The following NAA60 variants were observed in gnomAD, a reference collection of about 807,000 sequenced individuals.
The protein encoded by NAA60 is N-alpha-acetyltransferase 60, NatF catalytic subunit, also known as N-alpha-acetyltransferase 60.
In NAA60, 8 loss-of-function variants were observed where a neutral mutation model predicts 26.1. The observed-to-expected ratio is 0.31, with a 90% CI of 0.18 to 0.55. The LOEUF (loss-of-function observed/expected upper bound fraction) is 0.55. Ranked by LOEUF, NAA60 falls within the 20% of genes least tolerant of loss-of-function variation. The pLI, the probability that NAA60 is intolerant of heterozygous loss-of-function variation, is 0.93. For missense variants in NAA60, 290 were observed against 311.3 expected (o/e 0.93, Z 0.51); for synonymous variants, 131 against 122.5 (o/e 1.07, Z -0.46).
intron 4 of NAA60, 150 bp downstream of exon 4, chr16:3,479,750 G>T: frequency 1.2e-6 from 1 of 850,728 alleles, no homozygotes; most frequent in Middle Eastern, 3.6e-4. Context: ...ACTTGTCCCT[G>T]GCTGGTGCTT....
At chr16:3,457,501 G>A (rs949262166) in intron 2 of NAA60, among the ~76,000 whole-genome samples, 1 of 152,192 alleles carries the variant, frequency 6.6e-6, no homozygotes, top group African/African-American at 2.4e-5. Context: ...CCGGAGGGCA[G>A]CTTAAGTTGC....
intron 2 of NAA60, among the ~76,000 whole-genome samples, chr16:3,475,121 A>C (rs2036398843): frequency 1.6e-5 from 2 of 127,476 alleles, no homozygotes; most frequent in African/African-American, 6.1e-5. Flanking sequence ...ATGGAGTCTC[A>C]CTCTGTTGCC....
rs926999577 is a variant in NAA60, at chr16:3,483,692, A to T, written c.572+95A>T. On this transcript the variant is annotated intron_variant, in intron 6 of 7. Coordinates refer to ENST00000407558, the MANE Select transcript of NAA60 (RefSeq NM_001083601.3). ...TTGGAGCTGTGGTCCCCCTCAGATGATGTTCAGGTGGCCAAGCTTATGGAT... is the reference window on the plus strand; with the variant it reads ...TTGGAGCTGTGGTCCCCCTCAGATGTTGTTCAGGTGGCCAAGCTTATGGAT... 141 of 959,614 alleles carry T rather than the reference A, an allele frequency of 1.5e-4. No homozygotes were observed. In the African/African-American group the frequency reaches 2.3e-3, roughly 15 times the overall value. The allele number at this position is 959,614 out of a possible 1,614,324, so 59.4% of individuals were successfully genotyped here.
rs1281725964 is a variant in NAA60 at position 3,448,497 on chromosome 16, A to G, written c.-50A>G. ...ATACAGAAAGGCTGTACCTGGAGGA[A>G]GGAAGTGCGGAGCCAGCCTGAGTTG... On this transcript the variant is annotated 5_prime_UTR_variant, in exon 2 of 8. Coordinates refer to ENST00000407558, the MANE Select transcript of NAA60 (RefSeq NM_001083601.3). 3 of 1,535,496 alleles carry G rather than the reference A, an allele frequency of 2.0e-6. No individual in the cohort carries two copies. The highest frequency in any genetic ancestry group is 2.7e-5 in the African/African-American group (2 of 73,010).
rs530637854 is a variant in NAA60, at chr16:3,468,520, G to A, written c.-6-7702G>A. The stretch of plus-strand genomic sequence containing the variant: ...CTTGGAGGAAAGCAGTCTTGGTACC[G>A]TGTCCGGAGAGGTCATTTCCATGTA... On this transcript the variant is annotated intron_variant, in intron 2 of 7. Transcript: ENST00000407558. 1.7e-4 allele frequency among the ~76,000 whole-genome samples: 26 copies of A among 152,306 alleles called. 2 individuals are homozygous for A. The South Asian group carries it at 5.4e-3, about 32-fold the overall frequency.
chr16:3,469,413 C>G (rs1238228579), intron 2 of NAA60, among the ~76,000 whole-genome samples: 11 of 146,946 alleles, frequency 7.5e-5, no homozygotes, highest in Non-Finnish European at 1.6e-4. Flanking sequence ...CTTTGCCTTG[C>G]TGCTCCCCCC....
intron 2 of NAA60, chr16:3,458,293 C>T (rs2035123559): frequency 7.2e-6 from 5 of 698,030 alleles, no homozygotes; most frequent in African/African-American, 1.9e-5. Context: ...CCACCGGGTA[C>T]GAGCGCGCTG....
rs140626833 is a variant in NAA60 at position 3,482,234 on chromosome 16, G to A, written c.241-268G>A. Among the ~76,000 whole-genome samples the A allele has an allele frequency of 2.1e-3, 314 of 152,294 alleles. 3 individuals carry two copies. Among genetic ancestry groups the A allele is most frequent in the Middle Eastern group, 0.02 (6 of 294 alleles). ...GTGCTGGCATCAGAGCCTCATTCCC[G>A]TCCTTGGCTAGGCCTCCCACACACC... On this transcript the variant is annotated intron_variant, in intron 4 of 7. Coordinates refer to ENST00000407558, the MANE Select transcript of NAA60 (RefSeq NM_001083601.3).
At chr16:3,475,880 C>T (rs2036447809) in intron 2 of NAA60, among the ~76,000 whole-genome samples, 1 of 152,252 alleles carries the variant, frequency 6.6e-6, no homozygotes, top group Non-Finnish European at 1.5e-5. Flanking sequence ...TGGCTGGGGC[C>T]GTTGACCCTC....
Position 3,482,498 on chromosome 16 carries a change from C to G in NAA60, c.241-4C>G. The stretch of plus-strand genomic sequence containing the variant: ...CCTGACTTTCTCTCTGACTCTTCCT[C>G]TAGGATGGAGATATTCTAGCATCCA... On this transcript the variant is annotated splice_region_variant and splice_polypyrimidine_tract_variant and intron_variant, in intron 4 of 7. Coordinates refer to ENST00000407558, the MANE Select transcript of NAA60 (RefSeq NM_001083601.3). The G allele has an allele frequency of 6.3e-7, 1 of 1,594,116 alleles. No individual in the cohort carries two copies. Among genetic ancestry groups the G allele is most frequent in the Non-Finnish European group, 8.6e-7 (1 of 1,169,508 alleles).
chr16:3,460,060 C>T (rs1008353969), intron 2 of NAA60, among the ~76,000 whole-genome samples: 3 of 152,070 alleles, frequency 2.0e-5, no homozygotes, highest in African/African-American at 4.8e-5. Flanking sequence ...GGTGGTTAGA[C>T]GAGGTGGATA....
Position 3,483,522 on chromosome 16 carries a change from C to A in NAA60, c.497C>A (p.Ser166Tyr), listed in dbSNP as rs778953979. The A allele has an allele frequency of 1.1e-5, 18 of 1,613,796 alleles. No individual in the cohort carries two copies. In the East Asian group the frequency reaches 1.8e-4, roughly 16 times the overall value. The part of the protein sequence containing the change: ...KQHHYLPYYY[S>Y]IRGVLKDGFT... The stretch of plus-strand genomic sequence containing the variant: ...CACCACTATCTCCCCTATTACTACT[C>A]CATTCGAGGGGTCCTCAAAGATGGC... The change falls in exon 6 of 8, where the codon TCC becomes TAC. Residue 166 changes from serine (S) to tyrosine (Y), a missense_variant. By Grantham distance (144) the Ser-to-Tyr change is moderately radical. Coordinates refer to ENST00000407558, the MANE Select transcript of NAA60 (RefSeq NM_001083601.3).
intron 3 of NAA60, among the ~76,000 whole-genome samples, chr16:3,478,328 G>C (rs2036613264): frequency 6.6e-6 from 1 of 152,220 alleles, no homozygotes; most frequent in African/African-American, 2.4e-5. Flanking sequence ...GCATAGATCA[G>C]ACTCTGCCCA....
intron 2 of NAA60, chr16:3,462,615 T>A (rs1222798291): frequency 3.3e-5 from 5 of 152,154 alleles, no homozygotes; most frequent in Admixed American, 3.3e-4. Flanking sequence ...CACTGCTTGA[T>A]GAGTTGACAT....
chr16:3,481,145 G>A lies in NAA60; in HGVS notation c.241-1357G>A, dbSNP rs117275985. Among the ~76,000 whole-genome samples the A allele has an allele frequency of 1.8e-3, 267 of 151,632 alleles. 1 individual carries two copies. The highest frequency in any genetic ancestry group is 3.4e-3 in the Middle Eastern group (1 of 294). On this transcript the variant is annotated intron_variant, in intron 4 of 7. Coordinates refer to ENST00000407558, the MANE Select transcript of NAA60 (RefSeq NM_001083601.3). ...TCTCCTCTTTTTTTTTTATTGAAAC[G>A]GAGTCTCACTATCACCCAGGGTGGA...
intron 4 of NAA60, among the ~76,000 whole-genome samples, chr16:3,481,540 T>C (rs969122447): frequency 3.9e-5 from 6 of 152,132 alleles, no homozygotes; most frequent in Non-Finnish European, 5.9e-5. Context: ...CTCTGGAATG[T>C]GTTTGTGTTC....
In NAA60 at chr16:3,465,555, A is replaced by T. The variant is rs924724953; in HGVS notation, c.-6-10667A>T. On this transcript the variant is annotated intron_variant, in intron 2 of 7. Transcript: ENST00000407558. ...GAAGGTGCTGTCCCCCAGGCTGCAG[A>T]CGGGGGTTAGTACAGCAACCTCAGA... 2.6e-5 allele frequency among the ~76,000 whole-genome samples: 4 copies of T among 152,234 alleles called. No homozygotes were observed. In the East Asian group the frequency reaches 5.8e-4, roughly 22 times the overall value.
chr16:3,466,162 A>T (rs7206826), intron 2 of NAA60, among the ~76,000 whole-genome samples: 9,776 of 152,296 alleles, frequency 0.064, 416 homozygotes, highest in East Asian at 0.17. Context: ...AGCACCGGCA[A>T]TTTGTTTGGC....
intron 1 of NAA60, 82 bp from the exon 2 acceptor site, chr16:3,448,389 G>C: frequency 1.7e-6 from 2 of 1,156,316 alleles, no homozygotes; most frequent in Non-Finnish European, 1.2e-6. Flanking sequence ...TCCAGGGTTT[G>C]TCTGACACTC....
Sources: allele counts gnomAD v4.1 joint callset (sites outside exome capture counted in the v4.1 genomes callset), GRCh38; gene constraint gnomAD v4.1.1; transcripts MANE v1.5; gene names NCBI Gene and HGNC (gene_info 2026-07-23, HGNC 2026-07-21).